The following FHIT variants were observed in gnomAD, a reference collection of about 807,000 sequenced individuals.
FHIT encodes bis(5'-adenosyl)-triphosphatase.
A neutral mutation model predicts 17.9 loss-of-function variants in FHIT; 19 were observed. The observed-to-expected ratio is 1.06, with a 90% confidence interval of 0.74 to 1.56. FHIT has a LOEUF of 1.56. Among genes scored for constraint, FHIT ranks in the 40% most tolerant of loss-of-function variants. FHIT has a pLI of 0.00. For missense variants in FHIT, 248 were observed against 189.2 expected, an observed-to-expected ratio of 1.31 and a Z score of -1.82; for synonymous variants, 81 against 69.7, an observed-to-expected ratio of 1.16 and a Z score of -0.81.
chr3:61,056,448 T>C (rs549031900), intron 2 of FHIT, among the ~76,000 whole-genome samples: 1 of 152,218 alleles, frequency 6.6e-6, no homozygotes, highest in African/African-American at 2.4e-5. Flanking sequence ...TGGAGACAGG[T>C]GAAAGCAAAC....
intron 2 of FHIT, among the ~76,000 whole-genome samples, chr3:61,195,678 T>C (rs2038834430): frequency 6.6e-6 from 1 of 152,222 alleles, no homozygotes; most frequent in African/African-American, 2.4e-5. Context: ...GTGACAGTAT[T>C]TGTAAGTAAT....
chr3:60,464,326 G>C (rs1180573212), intron 5 of FHIT, among the ~76,000 whole-genome samples: 1 of 152,026 alleles, frequency 6.6e-6, no homozygotes, highest in Admixed American at 6.6e-5. Context: ...GGGTAAATGG[G>C]ATATACATCA....
At chr3:61,129,799 C>A (rs1166830273) in intron 2 of FHIT, among the ~76,000 whole-genome samples, 1 of 152,160 alleles carries the variant, frequency 6.6e-6, no homozygotes, top group Non-Finnish European at 1.5e-5. Context: ...AAAACCAGTG[C>A]TTAAATGTTC....
At chr3:60,237,848 T>C (rs1704887529) in intron 5 of FHIT, among the ~76,000 whole-genome samples, 1 of 152,020 alleles carries the variant, frequency 6.6e-6, no homozygotes, top group Non-Finnish European at 1.5e-5. Flanking sequence ...AAATTAAGAA[T>C]TTGTGGGCCG....
At chr3:60,422,201 C>T (rs948549713) in intron 5 of FHIT, among the ~76,000 whole-genome samples, 2 of 152,188 alleles carry the variant, frequency 1.3e-5, no homozygotes, top group East Asian at 3.9e-4. Flanking sequence ...TATCGTATGT[C>T]CCAAAGTCCA....
chr3:60,953,392 A>G (rs1260008022), intron 3 of FHIT, among the ~76,000 whole-genome samples: 7 of 152,174 alleles, frequency 4.6e-5, no homozygotes, highest in African/African-American at 1.7e-4. Context: ...AAAAGTCTAT[A>G]AAATATGACA....
chr3:60,509,183 G>A (rs573204156), intron 5 of FHIT, among the ~76,000 whole-genome samples: 75 of 152,276 alleles, frequency 4.9e-4, no homozygotes, highest in Non-Finnish European at 8.1e-4. Context: ...GACTCTTGGC[G>A]ATTCCAAATG....
At chr3:61,028,909 A>G (rs1180665939) in intron 3 of FHIT, among the ~76,000 whole-genome samples, 2 of 152,096 alleles carry the variant, frequency 1.3e-5, no homozygotes, top group Admixed American at 6.6e-5. Flanking sequence ...AAGAAAAAAA[A>G]AAACAGAGAT....
At chr3:60,280,293 A>G (rs188552837) in intron 5 of FHIT, among the ~76,000 whole-genome samples, 1 of 152,286 alleles carries the variant, frequency 6.6e-6, no homozygotes, top group East Asian at 1.9e-4. Flanking sequence ...GAGAAACTGG[A>G]TGCTTTAAGA....
At chr3:61,235,376 G>A (rs2040204720) in intron 1 of FHIT, among the ~76,000 whole-genome samples, 2 of 151,880 alleles carry the variant, frequency 1.3e-5, no homozygotes. Context: ...GATGAAATAC[G>A]AAAATCTACA....
At chr3:61,124,361 T>G (rs1290157042) in intron 2 of FHIT, among the ~76,000 whole-genome samples, 1 of 152,170 alleles carries the variant, frequency 6.6e-6, no homozygotes, top group South Asian at 2.1e-4. Context: ...TTCTCCATCA[T>G]CCTCCATTAA....
At chr3:60,558,734 C>A (rs1192344327) in intron 4 of FHIT, among the ~76,000 whole-genome samples, 1 of 152,120 alleles carries the variant, frequency 6.6e-6, no homozygotes, top group African/African-American at 2.4e-5. Context: ...AGGCAGATGT[C>A]GCTAATTAAC....
rs113069431 is a variant in FHIT, at chr3:60,445,472, G to A, written c.103+91388C>T. ...AAGCTATCCACTTTTATAAAAAGAAGAAGAAGAAGAAAAAAAAAAGAAACA... is the reference window on the plus strand; with the variant it reads ...AAGCTATCCACTTTTATAAAAAGAAAAAGAAGAAGAAAAAAAAAAGAAACA... On this transcript the variant is annotated intron_variant, in intron 5 of 9. Coordinates refer to ENST00000492590, the MANE Select transcript of FHIT (RefSeq NM_002012.4). Among the ~76,000 whole-genome samples, 604 of 141,728 alleles carry A rather than the reference G, an allele frequency of 4.3e-3. 2 individuals are homozygous for A. Among genetic ancestry groups the A allele is most frequent in the African/African-American group, 0.017 (575 of 33,774 alleles). The allele number at this position is 141,728 out of a possible 152,430, so 93.0% of individuals were successfully genotyped here.
chr3:59,927,188 A>C (rs2107211950), intron 7 of FHIT, among the ~76,000 whole-genome samples: 1 of 152,198 alleles, frequency 6.6e-6, no homozygotes, highest in East Asian at 1.9e-4. Flanking sequence ...TCAGGGAAAT[A>C]AGCCAGACAA....
chr3:60,088,957 G>A (rs1703615659), intron 5 of FHIT, among the ~76,000 whole-genome samples: 1 of 152,124 alleles, frequency 6.6e-6, no homozygotes, highest in African/African-American at 2.4e-5. Flanking sequence ...AATTTCAAGG[G>A]TATATGCTTT....
At chr3:61,063,306 A>G (rs1290754556) in intron 2 of FHIT, among the ~76,000 whole-genome samples, 2 of 150,906 alleles carry the variant, frequency 1.3e-5, no homozygotes, top group Non-Finnish European at 3.0e-5. Flanking sequence ...TTCTCAAATC[A>G]ACCACATCGG....
intron 8 of FHIT, among the ~76,000 whole-genome samples, chr3:59,856,931 G>A (rs1004272627): frequency 3.7e-4 from 56 of 151,506 alleles, no homozygotes; most frequent in African/African-American, 1.3e-3. Flanking sequence ...TGGAGATTAT[G>A]CTCAATTAGT....
chr3:61,169,520 T>C (rs2037935702), intron 2 of FHIT, among the ~76,000 whole-genome samples: 1 of 152,228 alleles, frequency 6.6e-6, no homozygotes, highest in African/African-American at 2.4e-5. Context: ...TTTCAAAATC[T>C]ATCTTTAAAA....
intron 7 of FHIT, among the ~76,000 whole-genome samples, chr3:59,976,561 A>T (rs993906138): frequency 1.4e-4 from 22 of 151,988 alleles, no homozygotes; most frequent in Admixed American, 7.2e-4. Flanking sequence ...AAAGAGAAAA[A>T]GAAAAAGGGG....
Sources: gnomAD v4.1 joint callset for allele counts (sites outside exome capture counted in the v4.1 genomes callset) on GRCh38, gnomAD v4.1.1 for gene constraint, MANE v1.5 for transcripts, NCBI Gene and HGNC (gene_info 2026-07-23, HGNC 2026-07-21) for gene names.